Variants in TMEM119 observed in about 807,000 individuals in gnomAD.
TMEM119 encodes the protein osteoblast induction factor.
For synonymous variants in TMEM119, 182 were observed against 176.4 expected, an observed-to-expected ratio of 1.03 and a Z score of -0.25; for missense variants, 410 against 381.0, an observed-to-expected ratio of 1.08 and a Z score of -0.63.
Position 108,590,049 on chromosome 12 carries a change from C to G in TMEM119, c.*1483G>C, listed in dbSNP as rs1307293581. On this transcript the variant is annotated 3_prime_UTR_variant, in exon 2 of 2. Coordinates refer to ENST00000392806, the MANE Select transcript of TMEM119 (RefSeq NM_181724.3). ...AGGCTGCCAGACAATGTGTGAGCAACAGGGGGTGGCCAGGGCCCCCCTGCT... is the reference window on the plus strand; with the variant it reads ...AGGCTGCCAGACAATGTGTGAGCAAGAGGGGGTGGCCAGGGCCCCCCTGCT... 1 of 152,220 alleles carries G rather than the reference C, an allele frequency of 6.6e-6. No individual in the cohort carries two copies. The highest frequency in any genetic ancestry group is 1.5e-5 in the Non-Finnish European group (1 of 68,106). 9.4% of individuals were successfully genotyped at this position (152,220 alleles called of 1,614,324 possible).
chr12:108,596,991 C>T (rs962078452), intron 1 of TMEM119, among the ~76,000 whole-genome samples: 2 of 152,184 alleles, frequency 1.3e-5, no homozygotes, highest in East Asian at 3.8e-4. Context: ...CTCTGAGCCT[C>T]GGTTTCCATA....
At chr12:108,593,255 C>A (rs901751577) in intron 1 of TMEM119, among the ~76,000 whole-genome samples, 1 of 152,018 alleles carries the variant, frequency 6.6e-6, no homozygotes, top group African/African-American at 2.4e-5. Flanking sequence ...ACCAGCCTGG[C>A]CATCATGGTG....
Position 108,592,501 on chromosome 12 carries a change from C to T in TMEM119, c.-14-104G>A. 1.6e-6 allele frequency: 2 copies of T among 1,281,966 alleles called. No homozygotes were observed. Among genetic ancestry groups the T allele is most frequent in the Admixed American group, 5.4e-5 (2 of 36,818 alleles). 79.4% of individuals were successfully genotyped at this position (1,281,966 alleles called of 1,614,324 possible). ...AGGAGGAACAGGGAGCATGAAACACCTTCTAGCAAGTCCCTTCCATTCCCA... is the reference window on the plus strand; with the variant it reads ...AGGAGGAACAGGGAGCATGAAACACTTTCTAGCAAGTCCCTTCCATTCCCA... On this transcript the variant is annotated intron_variant, in intron 1 of 1. Coordinates refer to ENST00000392806, the MANE Select transcript of TMEM119 (RefSeq NM_181724.3). The surrounding 1 kb of genome is among the most constrained non-coding windows in gnomAD (Gnocchi z 4.3).
At position 108,591,273 on chromosome 12, in the gene TMEM119, C is replaced by T. The variant is rs779426023; in HGVS notation, c.*259G>A. On this transcript the variant is annotated 3_prime_UTR_variant, in exon 2 of 2. Coordinates refer to ENST00000392806, the MANE Select transcript of TMEM119 (RefSeq NM_181724.3). This position sits in a 1 kb window ranked among gnomAD's most constrained non-coding sequence, Gnocchi z 4.2. ...TCACAGGGACACGTGCCCTCCCTCA[C>T]TTTGTCAGGGGAGCTGTGCTGTAGG... is the stretch of plus-strand genomic sequence containing the variant. The T allele has an allele frequency of 4.9e-6, 2 of 409,878 alleles. No individual in the cohort carries two copies. Among genetic ancestry groups the T allele is most frequent in the Non-Finnish European group, 8.6e-6 (2 of 233,128 alleles). The allele number at this position is 409,878 out of a possible 1,614,324, so 25.4% of individuals were successfully genotyped here.
intron 1 of TMEM119, among the ~76,000 whole-genome samples, chr12:108,595,932 A>T (rs377722081): frequency 1.3e-5 from 2 of 152,200 alleles, no homozygotes; most frequent in African/African-American, 4.8e-5. Flanking sequence ...TGCAGAGGGC[A>T]GCTGGGACCA....
intron 1 of TMEM119, among the ~76,000 whole-genome samples, chr12:108,597,375 C>G (rs1359439416): frequency 2.0e-5 from 3 of 151,990 alleles, no homozygotes; most frequent in Non-Finnish European, 4.4e-5. Flanking sequence ...CACATGCCCC[C>G]GACCCCAGGG....
At chr12:108,597,017 T>A (rs937235626) in intron 1 of TMEM119, among the ~76,000 whole-genome samples, 1 of 152,178 alleles carries the variant, frequency 6.6e-6, no homozygotes, top group African/African-American at 2.4e-5. Flanking sequence ...ACAATGGGGA[T>A]AAGAGCCACC....
Position 108,591,661 on chromosome 12 carries a change from C to A in TMEM119, c.723G>T (p.Glu241Asp). 3.7e-6 allele frequency: 6 copies of A among 1,614,032 alleles called. No homozygotes were observed. The highest frequency in any genetic ancestry group is 5.1e-6 in the Non-Finnish European group (6 of 1,179,998). ...GGCCCTCACCGGCCACCACAGCCCCCTCAAGGACCCCTGAGCACGGCTCCT... is the reference window on the plus strand; with the variant it reads ...GGCCCTCACCGGCCACCACAGCCCCATCAAGGACCCCTGAGCACGGCTCCT... Reference protein sequence around the residue: ...AQEEPCSGVLEGAVVAGEGQG... With the variant: ...AQEEPCSGVLDGAVVAGEGQG... Residue 241 changes from glutamate (E) to aspartate (D), a missense_variant, in exon 2 of 2, where the codon GAG becomes GAT. Transcript: ENST00000392806. The surrounding 1 kb of genome is among the most constrained non-coding windows in gnomAD (Gnocchi z 4.2).
In TMEM119 at chr12:108,591,390, G is replaced by A; in HGVS notation, c.*142C>T. 1 of 992,790 alleles carries A rather than the reference G, an allele frequency of 1.0e-6. No individual in the cohort carries two copies. Among genetic ancestry groups the A allele is most frequent in the Non-Finnish European group, 1.5e-6 (1 of 686,030 alleles). 61.5% of individuals were successfully genotyped at this position (992,790 alleles called of 1,614,324 possible). ...GGGACCAGCATTTCTGCCTGCTGTA[G>A]AATCAGCACATGCTGGGATTGGCAC... On this transcript the variant is annotated 3_prime_UTR_variant, in exon 2 of 2. Coordinates refer to ENST00000392806, the MANE Select transcript of TMEM119 (RefSeq NM_181724.3). This position sits in a 1 kb window ranked among gnomAD's most constrained non-coding sequence, Gnocchi z 4.2.
In TMEM119 at chr12:108,594,918, T is replaced by A. The variant is rs79630761; in HGVS notation, c.-14-2521A>T. On this transcript the variant is annotated intron_variant, in intron 1 of 1. Coordinates refer to ENST00000392806, the MANE Select transcript of TMEM119 (RefSeq NM_181724.3). ...AATATATTAAAATATTTCAATTTTT[T>A]AAAAAAGAGACAAAGCTTCTCAGGG... is the stretch of plus-strand genomic sequence containing the variant. Among the ~76,000 whole-genome samples the A allele has an allele frequency of 2.0e-5, 3 of 152,138 alleles. No homozygotes were observed. In the East Asian group the frequency reaches 5.8e-4, roughly 29 times the overall value.
Position 108,591,422 on chromosome 12 carries a change from G to T in TMEM119, c.*110C>A. The T allele has an allele frequency of 7.8e-7, 1 of 1,282,034 alleles. No homozygotes were observed. The highest frequency in any genetic ancestry group is 1.1e-6 in the Non-Finnish European group (1 of 940,152). The allele number at this position is 1,282,034 out of a possible 1,614,324, so 79.4% of individuals were successfully genotyped here. Reference sequence around the variant, plus strand: ...CACATGCTGGGATTGGCACCACAGGGAGGCCAAGGAGGGAGTGTCAGGAAG... The same window carrying T: ...CACATGCTGGGATTGGCACCACAGGTAGGCCAAGGAGGGAGTGTCAGGAAG... On this transcript the variant is annotated 3_prime_UTR_variant, in exon 2 of 2. Transcript: ENST00000392806. The surrounding 1 kb of genome is among the most constrained non-coding windows in gnomAD (Gnocchi z 4.2).
rs367982995 is a variant in TMEM119, at chr12:108,592,040, G to A, written c.344C>T (p.Ala115Val). 174 of 1,614,160 alleles carry A rather than the reference G, an allele frequency of 1.1e-4. No homozygotes were observed. Among genetic ancestry groups the A allele is most frequent in the South Asian group, 1.4e-4 (13 of 91,084 alleles). The change falls in exon 2 of 2, where the codon GCG becomes GTG. Residue 115 changes from alanine (A) to valine (V), a missense_variant. Transcript: ENST00000392806. The surrounding 1 kb of genome is among the most constrained non-coding windows in gnomAD (Gnocchi z 4.3). ...CTTCTGCTTCTGCCGGGTGATGACC[G>A]CGGCACAGACGATGAACATCAGCAG... ...AFLLMFIVCAAVITRQKQKAS... is the reference protein window; with the variant it reads ...AFLLMFIVCAVVITRQKQKAS...
At chr12:108,597,317 C>A (rs554388022) in intron 1 of TMEM119, among the ~76,000 whole-genome samples, 1 of 152,218 alleles carries the variant, frequency 6.6e-6, no homozygotes, top group East Asian at 1.9e-4. Flanking sequence ...GGAAACCTGG[C>A]TTCAATCAGT....
chr12:108,596,884 G>A (rs1398803811), intron 1 of TMEM119, among the ~76,000 whole-genome samples: 1 of 152,220 alleles, frequency 6.6e-6, no homozygotes, highest in East Asian at 1.9e-4. Flanking sequence ...AAAGTCAGGG[G>A]TGAGCCCAGC....
In TMEM119 at chr12:108,591,991, G is replaced by A. The variant is rs768681024; in HGVS notation, c.393C>T (p.Ser131=). 1.9e-6 allele frequency: 3 copies of A among 1,613,690 alleles called. No homozygotes were observed. The highest frequency in any genetic ancestry group is 2.2e-5 in the South Asian group (2 of 91,054). Residue 131 remains serine (S), a synonymous_variant, in exon 2 of 2, where the codon TCC becomes TCT. Transcript: ENST00000392806. This position sits in a 1 kb window ranked among gnomAD's most constrained non-coding sequence, Gnocchi z 4.2. ...GGTCCACGTACTTCTTCTTGGGGAA[G>A]GACGATGGGTAATAGGCCGAGGCCT... ...KQKASAYYPS[S]FPKKKYVDQS...
intron 1 of TMEM119, among the ~76,000 whole-genome samples, chr12:108,597,570 C>T (rs2031524933): frequency 2.0e-5 from 3 of 151,998 alleles, no homozygotes; most frequent in Non-Finnish European, 4.4e-5. Flanking sequence ...ATGGCCCATG[C>T]ACACAATACA....
At chr12:108,595,825 G>A (rs2031496616) in intron 1 of TMEM119, among the ~76,000 whole-genome samples, 1 of 152,182 alleles carries the variant, frequency 6.6e-6, no homozygotes, top group Admixed American at 6.5e-5. Context: ...AGACAACCTT[G>A]AGCTTTGGGG....
intron 1 of TMEM119, among the ~76,000 whole-genome samples, chr12:108,596,423 A>C (rs1675756610): frequency 7.4e-6 from 1 of 134,252 alleles, no homozygotes; most frequent in Non-Finnish European, 1.6e-5. Context: ...ACACACATAT[A>C]CATACAACAC....
At chr12:108,596,197 G>T (rs989508690) in intron 1 of TMEM119, among the ~76,000 whole-genome samples, 4 of 152,094 alleles carry the variant, frequency 2.6e-5, no homozygotes, top group African/African-American at 9.7e-5. Context: ...CCGAACTCCA[G>T]GTTCAGCCAG....
Sources: allele counts gnomAD v4.1 joint callset (sites outside exome capture counted in the v4.1 genomes callset), GRCh38; gene constraint gnomAD v4.1.1; non-coding constraint Gnocchi (gnomAD v3.1); transcripts MANE v1.5; gene names NCBI Gene and HGNC (gene_info 2026-07-23, HGNC 2026-07-21).